The following MARCHF1 variants were observed in gnomAD, a reference collection of about 807,000 sequenced individuals.
MARCHF1 encodes the protein membrane associated ring-CH-type finger 1.
In MARCHF1, 40 loss-of-function variants were observed where a neutral mutation model predicts 54.2. That is an observed-to-expected ratio of 0.74 (90% CI 0.57 to 0.96). The LOEUF (loss-of-function observed/expected upper bound fraction) is 0.96, where lower values mean the gene tolerates loss of function less well. Ranked by LOEUF, MARCHF1 falls within the 40% of genes least tolerant of loss-of-function variation. The probability of loss-of-function intolerance (pLI) is 0.00; values close to 1 mark genes in which losing one functional copy is unlikely to be tolerated. For synonymous variants in MARCHF1, 236 were observed against 236.3 expected (o/e 1.00, Z 0.01); for missense variants, 586 against 656.5 (o/e 0.89, Z 1.17).
intron 1 of MARCHF1, among the ~76,000 whole-genome samples, chr4:164,175,864 C>T (rs570685792): frequency 5.3e-5 from 8 of 152,160 alleles, no homozygotes; most frequent in African/African-American, 9.7e-5. Flanking sequence ...CTCCCCAACA[C>T]ATATGCATTA....
chr4:164,352,020 GATGAAATGA>G (rs1180676976), intron 1 of MARCHF1, among the ~76,000 whole-genome samples: 16 of 136,234 alleles, frequency 1.2e-4, no homozygotes, highest in African/African-American at 3.9e-4. Context: ...AGCAATGGAA[GATGAAATGA>G]ATGAAATGAA....
chr4:163,694,965 A>AGTC (rs1744573669), intron 5 of MARCHF1, among the ~76,000 whole-genome samples: 1 of 152,164 alleles, frequency 6.6e-6, no homozygotes, highest in South Asian at 2.1e-4. Flanking sequence ...TCCTCAAATT[A>AGTC]GTCCACCTCA....
chr4:163,755,545 C>T (rs1402381854), intron 4 of MARCHF1, among the ~76,000 whole-genome samples: 1 of 151,736 alleles, frequency 6.6e-6, no homozygotes, highest in East Asian at 1.9e-4. Flanking sequence ...AGACAACTGT[C>T]TTGTTGGGTA....
At chr4:163,564,008 G>A (rs983793481) in intron 8 of MARCHF1, among the ~76,000 whole-genome samples, 1 of 152,152 alleles carries the variant, frequency 6.6e-6, no homozygotes, top group African/African-American at 2.4e-5. Flanking sequence ...CTTTGGCTGT[G>A]AAAGGTTTTA....
chr4:163,695,769 T>C (rs1478107899), intron 5 of MARCHF1, among the ~76,000 whole-genome samples: 1 of 152,164 alleles, frequency 6.6e-6, no homozygotes, highest in East Asian at 1.9e-4. Flanking sequence ...TTGAAAGGTT[T>C]TTCTTGGGAG....
intron 4 of MARCHF1, among the ~76,000 whole-genome samples, chr4:163,747,228 T>G (rs759533801): frequency 6.6e-6 from 1 of 152,210 alleles, no homozygotes; most frequent in Non-Finnish European, 1.5e-5. Context: ...CTTTGAGAAT[T>G]TGTAACTATT....
intron 2 of MARCHF1, among the ~76,000 whole-genome samples, chr4:164,045,364 T>G (rs1334433550): frequency 6.6e-6 from 1 of 151,730 alleles, no homozygotes; most frequent in Non-Finnish European, 1.5e-5. Context: ...ATACAAAAAT[T>G]AGCTGGGCAT....
chr4:163,930,023 T>C (rs987767411), intron 3 of MARCHF1, among the ~76,000 whole-genome samples: 6 of 136,934 alleles, frequency 4.4e-5, no homozygotes, highest in African/African-American at 8.2e-5. Context: ...TTATATATAC[T>C]ATATTATATA....
At chr4:164,227,391 G>A (rs746461530) in intron 1 of MARCHF1, among the ~76,000 whole-genome samples, 80 of 152,032 alleles carry the variant, frequency 5.3e-4, no homozygotes, top group Admixed American at 1.6e-3. Context: ...GGGGATCATA[G>A]GGATCACAAA....
chr4:164,267,185 A>G (rs375404699), intron 1 of MARCHF1, among the ~76,000 whole-genome samples: 5 of 152,340 alleles, frequency 3.3e-5, no homozygotes, highest in East Asian at 1.9e-4. Context: ...GAAGGCCTGA[A>G]TAAGAAATAT....
intron 2 of MARCHF1, among the ~76,000 whole-genome samples, chr4:164,081,684 G>T (rs575746879): frequency 1.3e-5 from 2 of 152,066 alleles, no homozygotes; most frequent in Admixed American, 1.3e-4. Flanking sequence ...GAATTATGGG[G>T]AAAACATGCA....
intron 9 of MARCHF1, among the ~76,000 whole-genome samples, chr4:163,531,055 C>T (rs1178760825): frequency 6.6e-6 from 1 of 151,908 alleles, no homozygotes; most frequent in South Asian, 2.1e-4. Context: ...TTCTACCAAA[C>T]ATTTAAAGAA....
chr4:163,812,973 G>A (rs1187546200), intron 4 of MARCHF1, among the ~76,000 whole-genome samples: 1 of 152,124 alleles, frequency 6.6e-6, no homozygotes, highest in Non-Finnish European at 1.5e-5. Context: ...ATTATATATG[G>A]TTCATGTCAG....
intron 5 of MARCHF1, chr4:163,613,653 C>T: frequency 1.4e-6 from 2 of 1,400,194 alleles, no homozygotes; most frequent in Admixed American, 3.1e-5. Flanking sequence ...CCACAAGTTT[C>T]TATTCTATTT....
At chr4:163,815,220 A>G (rs1748500476) in intron 4 of MARCHF1, among the ~76,000 whole-genome samples, 1 of 152,218 alleles carries the variant, frequency 6.6e-6, no homozygotes, top group African/African-American at 2.4e-5. Flanking sequence ...ATTGGGACTT[A>G]AAAACTCCCT....
At chr4:163,997,464 G>A (rs545564309) in intron 2 of MARCHF1, among the ~76,000 whole-genome samples, 9 of 151,914 alleles carry the variant, frequency 5.9e-5, no homozygotes, top group Non-Finnish European at 8.8e-5. Flanking sequence ...GGCTACTCTC[G>A]TAGTACCAAA....
At chr4:163,696,093 GAGAA>G (rs1290686281) in intron 5 of MARCHF1, among the ~76,000 whole-genome samples, 9 of 151,512 alleles carry the variant, frequency 5.9e-5, no homozygotes, top group East Asian at 1.9e-4. Context: ...TAAAAAAGAA[GAGAA>G]AGAAAGAGAG....
intron 1 of MARCHF1, among the ~76,000 whole-genome samples, chr4:164,303,989 C>T (rs963761911): frequency 2.6e-5 from 4 of 152,204 alleles, no homozygotes; most frequent in Non-Finnish European, 5.9e-5. Flanking sequence ...AGATATCAAG[C>T]TGATACTCTA....
chr4:164,104,061 C>T (rs1476693332), intron 2 of MARCHF1, among the ~76,000 whole-genome samples: 1 of 151,288 alleles, frequency 6.6e-6, no homozygotes, highest in East Asian at 1.9e-4. Flanking sequence ...CAAGACTAAA[C>T]CAGGAAGAAG....
Sources: allele counts gnomAD v4.1 joint callset (sites outside exome capture counted in the v4.1 genomes callset), GRCh38; gene constraint gnomAD v4.1.1; transcripts MANE v1.5; gene names NCBI Gene and HGNC (gene_info 2026-07-23, HGNC 2026-07-21).